Variants in FAM83B observed in about 807,000 individuals in gnomAD.
The protein encoded by FAM83B is scaffolding CK1 anchoring protein B, also known as protein FAM83B.
Under a neutral mutation model 38.8 loss-of-function variants are expected in FAM83B, and 26 were observed. That is an observed-to-expected ratio of 0.67 (90% CI 0.49 to 0.93). The LOEUF (loss-of-function observed/expected upper bound fraction) is 0.93. Among genes scored for constraint, FAM83B ranks in the 40% least tolerant of loss-of-function variants. The probability of loss-of-function intolerance (pLI) is 0.00; values close to 1 mark genes in which losing one functional copy is unlikely to be tolerated. For synonymous variants in FAM83B, 419 were observed against 423.1 expected, an observed-to-expected ratio of 0.99 and a Z score of 0.12; for missense variants, 1,237 against 1,197.3, an observed-to-expected ratio of 1.03 and a Z score of -0.49.
intron 2 of FAM83B, among the ~76,000 whole-genome samples, chr6:54,904,232 T>G (rs1019304078): frequency 6.6e-6 from 1 of 152,172 alleles, no homozygotes; most frequent in Non-Finnish European, 1.5e-5. Context: ...GTTTTTAATG[T>G]TGCTAGAGAA....
At chr6:54,906,712 CTCAATCTAA>C (rs1334586481) in intron 2 of FAM83B, among the ~76,000 whole-genome samples, 2 of 152,064 alleles carry the variant, frequency 1.3e-5, no homozygotes, top group African/African-American at 4.8e-5. Flanking sequence ...AGACTGAAAA[CTCAATCTAA>C]TGAAGTATAG....
chr6:54,894,406 A>T (rs1471565144), intron 2 of FAM83B, among the ~76,000 whole-genome samples: 16 of 152,098 alleles, frequency 1.1e-4, no homozygotes, highest in Admixed American at 1.0e-3. Context: ...TGATAGTCTC[A>T]TAGGTAAATT....
intron 1 of FAM83B, among the ~76,000 whole-genome samples, chr6:54,852,761 A>G (rs902404064): frequency 1.3e-5 from 2 of 152,212 alleles, no homozygotes; most frequent in Non-Finnish European, 2.9e-5. Context: ...ACTCCAGTAA[A>G]CACACACATC....
intron 1 of FAM83B, among the ~76,000 whole-genome samples, chr6:54,860,043 T>TTGTGTG (rs61235878): frequency 4.7e-5 from 7 of 150,496 alleles, no homozygotes; most frequent in Non-Finnish European, 7.4e-5. Flanking sequence ...ACCACCCTCA[T>TTGTGTG]TGTGTGTGTG....
rs1055143621 is a variant in FAM83B at position 54,852,082 on chromosome 6, A to G, written c.-61+5256A>G. 1.2e-4 allele frequency among the ~76,000 whole-genome samples: 17 copies of G among 142,154 alleles called. 1 individual carries two copies. Among genetic ancestry groups the G allele is most frequent in the Non-Finnish European group, 2.1e-4 (13 of 61,350 alleles). The allele number at this position is 142,154 out of a possible 152,430, so 93.3% of individuals were successfully genotyped here. On this transcript the variant is annotated intron_variant, in intron 1 of 4. Transcript: ENST00000306858. Reference sequence around the variant, plus strand: ...AGGTGTGAGCCACTGCGCCTGGCCTATTTACAGTTCTTTATTTCTGTCTGT... The same window carrying G: ...AGGTGTGAGCCACTGCGCCTGGCCTGTTTACAGTTCTTTATTTCTGTCTGT...
intron 1 of FAM83B, among the ~76,000 whole-genome samples, chr6:54,867,718 G>T (rs1467470043): frequency 6.6e-6 from 1 of 151,990 alleles, no homozygotes; most frequent in Non-Finnish European, 1.5e-5. Context: ...GTTCCAGAAT[G>T]AATTTTTTAC....
At position 54,926,546 on chromosome 6, in the gene FAM83B, T is replaced by C; in HGVS notation, c.609+11T>C. Reference sequence around the variant, plus strand: ...GTTCAGCGTCTCAGGGTAAGAATTCTGTTTTTTTTTTCCTCAAGTATTTTA... The same window carrying C: ...GTTCAGCGTCTCAGGGTAAGAATTCCGTTTTTTTTTTCCTCAAGTATTTTA... On this transcript the variant is annotated intron_variant, in intron 3 of 4. Transcript: ENST00000306858. The C allele has an allele frequency of 6.6e-7, 1 of 1,524,336 alleles. No individual in the cohort carries two copies. The highest frequency in any genetic ancestry group is 8.8e-7 in the Non-Finnish European group (1 of 1,131,204). 94.4% of individuals were successfully genotyped at this position (1,524,336 alleles called of 1,614,324 possible). A position where few individuals can be genotyped will look rare whatever the true frequency, so the allele number is the denominator to read the frequency against.
intron 2 of FAM83B, among the ~76,000 whole-genome samples, chr6:54,889,375 A>C (rs1772350060): frequency 6.6e-6 from 1 of 152,104 alleles, no homozygotes; most frequent in East Asian, 1.9e-4. Context: ...ACATGATTTT[A>C]ACCATTATCC....
At chr6:54,889,275 T>A (rs946972956) in intron 2 of FAM83B, among the ~76,000 whole-genome samples, 3 of 152,134 alleles carry the variant, frequency 2.0e-5, no homozygotes, top group Non-Finnish European at 4.4e-5. Context: ...GCATTTCCAA[T>A]ATTTTAATGG....
At chr6:54,887,347 G>A (rs1220260288) in intron 2 of FAM83B, among the ~76,000 whole-genome samples, 1 of 152,144 alleles carries the variant, frequency 6.6e-6, no homozygotes, top group African/African-American at 2.4e-5. Flanking sequence ...TGCTGTTTCT[G>A]CAGGATTGAC....
intron 2 of FAM83B, among the ~76,000 whole-genome samples, chr6:54,918,050 G>C (rs1773085352): frequency 6.6e-6 from 1 of 151,972 alleles, no homozygotes; most frequent in African/African-American, 2.4e-5. Context: ...CTGTAGGTTT[G>C]ACAATTTCAA....
Position 54,939,739 on chromosome 6 carries a change from C to T in FAM83B, c.768C>T (p.Ser256=). 6.2e-7 allele frequency: 1 copy of T among 1,611,422 alleles called. No individual in the cohort carries two copies. The highest frequency in any genetic ancestry group is 8.5e-7 in the Non-Finnish European group (1 of 1,179,020). Residue 256 remains serine, a synonymous_variant, in exon 5 of 5, where the codon AGC becomes AGT. Coordinates refer to ENST00000306858, the MANE Select transcript of FAM83B (RefSeq NM_001010872.3). ...GGTCATTTGAGAAAGCTCACCTCAGCATGGTTCAGATAATTACAGGACAAC... is the reference window on the plus strand; with the variant it reads ...GGTCATTTGAGAAAGCTCACCTCAGTATGGTTCAGATAATTACAGGACAAC... ...YMWSFEKAHL[S]MVQIITGQLV... is the part of the protein sequence containing the mutation.
Position 54,940,389 on chromosome 6 carries a change from A to G in FAM83B, c.1418A>G (p.His473Arg), listed in dbSNP as rs1167708607. ...AGGTCTTTTAATGGGACAGATAACC[A>G]TATCCGCTTTTTGCAACAACGAATG... is the stretch of plus-strand genomic sequence containing the variant. ...VRRSFNGTDNHIRFLQQRMPT... is the reference protein window; with the variant it reads ...VRRSFNGTDNRIRFLQQRMPT... The change falls in exon 5 of 5, where the codon CAT becomes CGT. Residue 473 changes from histidine (H) to arginine (R), a missense_variant. Coordinates refer to ENST00000306858, the MANE Select transcript of FAM83B (RefSeq NM_001010872.3). 1.9e-6 allele frequency: 3 copies of G among 1,614,096 alleles called. No individual in the cohort carries two copies. Among genetic ancestry groups the G allele is most frequent in the Admixed American group, 3.3e-5 (2 of 59,976 alleles).
At chr6:54,901,294 C>G (rs1005146187) in intron 2 of FAM83B, among the ~76,000 whole-genome samples, 1 of 152,054 alleles carries the variant, frequency 6.6e-6, no homozygotes, top group Non-Finnish European at 1.5e-5. Flanking sequence ...TGGTAAACAC[C>G]TGGATCAATA....
chr6:54,909,599 T>A (rs1772859803), intron 2 of FAM83B, among the ~76,000 whole-genome samples: 1 of 152,146 alleles, frequency 6.6e-6, no homozygotes. Flanking sequence ...GAAATAACAG[T>A]GAATAATAAG....
chr6:54,886,312 T>C (rs956490001), intron 2 of FAM83B, among the ~76,000 whole-genome samples: 3 of 150,786 alleles, frequency 2.0e-5, no homozygotes, highest in Non-Finnish European at 4.4e-5. Flanking sequence ...GATTTTTTTT[T>C]GTTTTTTTGT....
intron 1 of FAM83B, among the ~76,000 whole-genome samples, chr6:54,859,318 C>G (rs1257821685): frequency 6.6e-6 from 1 of 152,142 alleles, no homozygotes; most frequent in African/African-American, 2.4e-5. Flanking sequence ...CCTTGGCCTC[C>G]CAAAGTGCTG....
At chr6:54,855,859 A>T (rs1292276757) in intron 1 of FAM83B, among the ~76,000 whole-genome samples, 4 of 152,228 alleles carry the variant, frequency 2.6e-5, no homozygotes, top group Non-Finnish European at 5.9e-5. Context: ...GAGTTAAAGA[A>T]ATGAATCATC....
intron 2 of FAM83B, among the ~76,000 whole-genome samples, chr6:54,900,711 C>A (rs78670888): frequency 0.03 from 4,504 of 152,112 alleles, 204 homozygotes; most frequent in African/African-American, 0.1. Flanking sequence ...CAGTGCTTGA[C>A]CTAGGAGGGC....
Sources: gnomAD v4.1 joint callset for allele counts (sites outside exome capture counted in the v4.1 genomes callset) on GRCh38, gnomAD v4.1.1 for gene constraint, MANE v1.5 for transcripts, NCBI Gene and HGNC (gene_info 2026-07-23, HGNC 2026-07-21) for gene names.